Variants in RAB3IP observed in about 807,000 individuals in gnomAD.
RAB3IP encodes RAB3A interacting protein, also known as rab-3A-interacting protein.
Under a neutral mutation model 59.1 loss-of-function variants are expected in RAB3IP, and 36 were observed. The ratio of observed to expected loss-of-function variants is 0.61; its 90% CI spans 0.47 to 0.80. The LOEUF (loss-of-function observed/expected upper bound fraction) is 0.80. RAB3IP is among the 30% of genes least tolerant of loss of function. RAB3IP has a pLI of 0.00. For missense variants in RAB3IP, 511 were observed against 536.0 expected (o/e 0.95, Z 0.46); for synonymous variants, 207 against 191.2 (o/e 1.08, Z -0.68).
chr12:69,764,592 C>A lies in RAB3IP; in HGVS notation c.510+7929C>A, dbSNP rs186590951. Among the ~76,000 whole-genome samples, 3 of 150,742 alleles carry A rather than the reference C, an allele frequency of 2.0e-5. No homozygotes were observed. In the East Asian group the frequency reaches 5.8e-4, roughly 29 times the overall value. On this transcript the variant is annotated intron_variant, in intron 3 of 10. Transcript: ENST00000247833. ...TCAAGTAATATGGTACCTCTGACTT[C>A]TTTTTTCAAAGGATTGCTTTGGCCA...
chr12:69,787,149 C>G (rs1035602350), intron 4 of RAB3IP, among the ~76,000 whole-genome samples: 3 of 152,080 alleles, frequency 2.0e-5, no homozygotes, highest in Non-Finnish European at 4.4e-5. Flanking sequence ...TTTGGTAAGT[C>G]TGACATGTAT....
chr12:69,783,524 T>C (rs938226004), intron 3 of RAB3IP, among the ~76,000 whole-genome samples: 2 of 152,188 alleles, frequency 1.3e-5, no homozygotes, highest in African/African-American at 4.8e-5. Context: ...GAGGGCTCTT[T>C]GTTACGTACT....
intron 1 of RAB3IP, among the ~76,000 whole-genome samples, chr12:69,750,543 G>GTTTTTTTTTTTTTTT (rs11304094): frequency 8.6e-6 from 1 of 116,336 alleles, no homozygotes; most frequent in Non-Finnish European, 1.8e-5. Flanking sequence ...CCTCTACCTC[G>GTTTTTTTTTTTTTTT]TTTTTTTTTT....
intron 1 of RAB3IP, among the ~76,000 whole-genome samples, chr12:69,753,300 C>T (rs2136120764): frequency 6.6e-6 from 1 of 152,250 alleles, no homozygotes; most frequent in Non-Finnish European, 1.5e-5. Flanking sequence ...GCTAGTTTAA[C>T]AAATGACTAC....
At chr12:69,809,975 T>C (rs1030255025) in intron 8 of RAB3IP, among the ~76,000 whole-genome samples, 45 of 152,248 alleles carry the variant, frequency 3.0e-4, no homozygotes, top group African/African-American at 1.0e-3. Flanking sequence ...AGAGGCGCTC[T>C]GATTTTTAGA....
upstream of RAB3IP, chr12:69,738,614 C>A (rs1444367642): frequency 2.6e-5 from 3 of 117,256 alleles, no homozygotes; most frequent in Non-Finnish European, 6.2e-5. Context: ...AGAGCGCGGG[C>A]CCGACGAAAC....
At chr12:69,790,376 A>G (rs766510635) in intron 4 of RAB3IP, among the ~76,000 whole-genome samples, 1 of 152,214 alleles carries the variant, frequency 6.6e-6, no homozygotes, top group Non-Finnish European at 1.5e-5. Context: ...AGACTTGTAT[A>G]CTGAAAATTA....
At chr12:69,789,056 G>A (rs1483556317) in intron 4 of RAB3IP, among the ~76,000 whole-genome samples, 3 of 151,860 alleles carry the variant, frequency 2.0e-5, no homozygotes, top group Non-Finnish European at 4.4e-5. Flanking sequence ...AGTACTAAGA[G>A]GGATAAAGGC....
At chr12:69,786,829 AAAATATAGTTTG>A (rs1875745954) in intron 4 of RAB3IP, among the ~76,000 whole-genome samples, 3 of 152,192 alleles carry the variant, frequency 2.0e-5, no homozygotes, top group African/African-American at 4.8e-5. Context: ...GCATATCTAA[AAAATATAGTTTG>A]GAGTCTCTAA....
At chr12:69,761,163 C>A (rs1284108974) in intron 3 of RAB3IP, among the ~76,000 whole-genome samples, 1 of 152,124 alleles carries the variant, frequency 6.6e-6, no homozygotes, top group African/African-American at 2.4e-5. Context: ...CTACTCTTTT[C>A]TTCTGAAATA....
At chr12:69,759,921 C>G (rs186889841) in intron 3 of RAB3IP, among the ~76,000 whole-genome samples, 3 of 151,404 alleles carry the variant, frequency 2.0e-5, no homozygotes, top group African/African-American at 7.3e-5. Flanking sequence ...GAGGCGCTCC[C>G]CACATCTCAG....
In RAB3IP at chr12:69,801,639, A is replaced by G. The variant is rs763414199; in HGVS notation, c.1048A>G (p.Asn350Asp). The G allele has an allele frequency of 1.9e-6, 3 of 1,612,586 alleles. No homozygotes were observed. The highest frequency in any genetic ancestry group is 2.7e-5 in the African/African-American group (2 of 74,838). Reference protein sequence around the residue: ...LASAVLEAVENNTLSIEPVGL... With the variant: ...LASAVLEAVEDNTLSIEPVGL... ...TTCAGCTGTTCTGGAGGCTGTGGAA[A>G]ACAATACTCTAAGCATTGAACCAGT... The change falls in exon 8 of 11, where the codon AAC (asparagine) becomes GAC (aspartate). Residue 350 changes from asparagine to aspartate, a missense_variant. Physicochemically the swap from Asn to Asp is conservative, Grantham distance 23. Coordinates refer to ENST00000247833, the MANE Select transcript of RAB3IP (RefSeq NM_022456.5).
intron 4 of RAB3IP, among the ~76,000 whole-genome samples, chr12:69,785,317 G>C (rs1198395806): frequency 1.3e-5 from 2 of 152,188 alleles, no homozygotes; most frequent in Non-Finnish European, 2.9e-5. Context: ...GACGTTTAGT[G>C]TCCTTGGTGT....
At chr12:69,739,519 G>A in intron 1 of RAB3IP, 2 of 382,828 alleles carry the variant, frequency 5.2e-6, no homozygotes, top group South Asian at 6.3e-5. Flanking sequence ...GCGCGGCAGG[G>A]CTGTGGACCT....
intron 1 of RAB3IP, chr12:69,739,740 C>T (rs1026648394): frequency 1.7e-6 from 2 of 1,166,910 alleles, no homozygotes; most frequent in Non-Finnish European, 2.6e-6. Context: ...GCTCTGCCCT[C>T]CCAGCGTTGA....
intron 6 of RAB3IP, chr12:69,795,578 T>G: frequency 1.7e-6 from 1 of 586,150 alleles, no homozygotes; most frequent in South Asian, 2.2e-5. Context: ...ATCTCAGTAT[T>G]TCATTAAGGG....
chr12:69,755,481 G>T lies in RAB3IP; in HGVS notation c.73G>T (p.Val25Leu). 6.2e-7 allele frequency: 1 copy of T among 1,614,078 alleles called. No individual in the cohort carries two copies. The highest frequency in any genetic ancestry group is 8.5e-7 in the Non-Finnish European group (1 of 1,180,014). The part of the protein sequence containing the change: ...ASPTSPDLLG[V>L]YESGTQEQTT... Reference sequence around the variant, plus strand: ...ACCTACTTCTCCGGACCTTCTTGGTGTGTATGAATCAGGAACTCAAGAGCA... The same window carrying T: ...ACCTACTTCTCCGGACCTTCTTGGTTTGTATGAATCAGGAACTCAAGAGCA... Residue 25 changes from valine (V) to leucine (L), a missense_variant, in exon 2 of 11, where the codon GTG (valine) becomes TTG (leucine). Physicochemically the swap from Val to Leu is conservative, Grantham distance 32 (BLOSUM62 1). Transcript: ENST00000247833.
intron 3 of RAB3IP, among the ~76,000 whole-genome samples, chr12:69,757,735 C>T (rs1870459063): frequency 6.6e-6 from 1 of 152,118 alleles, no homozygotes; most frequent in South Asian, 2.1e-4. Flanking sequence ...AGTTCCTTCC[C>T]AAAGGAAAAG....
At position 69,789,885 on chromosome 12, in the gene RAB3IP, C is replaced by G. The variant is rs117075507; in HGVS notation, c.607-4552C>G. Among the ~76,000 whole-genome samples, 89 of 152,252 alleles carry G rather than the reference C, an allele frequency of 5.8e-4. 3 individuals carry two copies. The East Asian group carries it at 0.013, about 23-fold the overall frequency. On this transcript the variant is annotated intron_variant, in intron 4 of 10. Coordinates refer to ENST00000247833, the MANE Select transcript of RAB3IP (RefSeq NM_022456.5). ...AAAGCATTTGACAAAATTCCACATT[C>G]ATTTATGCTAAAACTCTCAACAAAA...
Sources: allele counts gnomAD v4.1 joint callset (sites outside exome capture counted in the v4.1 genomes callset), GRCh38; gene constraint gnomAD v4.1.1; transcripts MANE v1.5; gene names NCBI Gene and HGNC (gene_info 2026-07-23, HGNC 2026-07-21).